Variants in FARP1 observed in about 807,000 individuals in gnomAD.
FARP1 encodes the protein FERM, ARHGEF and pleckstrin domain-containing protein 1.
In FARP1, 52 loss-of-function variants were observed where a neutral mutation model predicts 128.8. The ratio of observed to expected loss-of-function variants is 0.40; its 90% confidence interval spans 0.32 to 0.51. The LOEUF (loss-of-function observed/expected upper bound fraction) is 0.51, where lower values mean the gene tolerates loss of function less well. FARP1 is among the 20% of genes least tolerant of loss of function. FARP1 has a pLI of 0.45. For missense variants in FARP1, 1,333 were observed against 1,367.9 expected (o/e 0.97, Z 0.40); for synonymous variants, 580 against 551.8 (o/e 1.05, Z -0.72).
At chr13:98,271,937 T>G (rs1383340584) in intron 2 of FARP1, among the ~76,000 whole-genome samples, 1 of 152,170 alleles carries the variant, frequency 6.6e-6, no homozygotes, top group African/African-American at 2.4e-5. Flanking sequence ...TTATAATCCT[T>G]TGGGTTTATA....
At chr13:98,273,751 TAGA>T (rs1350431247) in intron 2 of FARP1, among the ~76,000 whole-genome samples, 1 of 152,114 alleles carries the variant, frequency 6.6e-6, no homozygotes, top group Admixed American at 6.5e-5. Context: ...TGTAGAGAAA[TAGA>T]AGGTCAGAGC....
chr13:98,331,470 T>A lies in FARP1; in HGVS notation c.172-12292T>A, dbSNP rs145308619. Among the ~76,000 whole-genome samples, 80 of 152,292 alleles carry A rather than the reference T, an allele frequency of 5.3e-4. No homozygotes were observed. The East Asian group carries it at 9.8e-3, about 19-fold the overall frequency. On this transcript the variant is annotated intron_variant, in intron 2 of 26. Coordinates refer to ENST00000319562, the MANE Select transcript of FARP1 (RefSeq NM_005766.4). ...TCCCCAGCTGCTCATCAGAAGATAG[T>A]GAAATATGAGGGGAAGTTTAAGTTT... is the stretch of plus-strand genomic sequence containing the variant.
chr13:98,310,045 C>T (rs1161486716), intron 2 of FARP1, among the ~76,000 whole-genome samples: 1 of 150,772 alleles, frequency 6.6e-6, no homozygotes, highest in African/African-American at 2.4e-5. Context: ...TCTATTCCTC[C>T]AATCTGCTCT....
At chr13:98,395,994 G>A (rs1890527326) in intron 13 of FARP1, 3 of 399,078 alleles carry the variant, frequency 7.5e-6, no homozygotes, top group Non-Finnish European at 1.3e-5. Context: ...TCCCGGACCA[G>A]GGTCCTCCTT....
intron 2 of FARP1, among the ~76,000 whole-genome samples, chr13:98,336,386 C>A (rs1296927976): frequency 3.9e-5 from 6 of 152,128 alleles, no homozygotes; most frequent in African/African-American, 7.2e-5. Context: ...TCTCCTGCTT[C>A]ATCCTCCCAA....
chr13:98,336,491 C>T (rs191991846), intron 2 of FARP1, among the ~76,000 whole-genome samples: 48 of 152,240 alleles, frequency 3.2e-4, no homozygotes, highest in African/African-American at 9.6e-4. Context: ...AGACTGGTCT[C>T]GAACTCCTGA....
intron 2 of FARP1, among the ~76,000 whole-genome samples, chr13:98,269,030 C>T (rs185022786): frequency 6.6e-6 from 1 of 152,266 alleles, no homozygotes; most frequent in East Asian, 1.9e-4. Context: ...TCATGCCCAG[C>T]CTCTCCCTTC....
At chr13:98,220,385 G>A (rs187371865) in intron 2 of FARP1, among the ~76,000 whole-genome samples, 8 of 152,282 alleles carry the variant, frequency 5.3e-5, no homozygotes, top group Non-Finnish European at 1.2e-4. Context: ...TGCTTTTGCC[G>A]CCGCTTAAGC....
Position 98,197,257 on chromosome 13 carries a change from G to A in FARP1, c.-23-15963G>A, listed in dbSNP as rs544332012. Among the ~76,000 whole-genome samples, 4 of 152,162 alleles carry A rather than the reference G, an allele frequency of 2.6e-5. No individual in the cohort carries two copies. In the South Asian group the frequency reaches 6.2e-4, roughly 24 times the overall value. ...CGAGGTGGGTGGATCACCTGAGGTCGGGAGTTCGAGACCAGCCTGACCAAC... is the reference window on the plus strand; with the variant it reads ...CGAGGTGGGTGGATCACCTGAGGTCAGGAGTTCGAGACCAGCCTGACCAAC... On this transcript the variant is annotated intron_variant, in intron 1 of 26. Transcript: ENST00000319562.
At chr13:98,323,694 G>C (rs559548679) in intron 2 of FARP1, among the ~76,000 whole-genome samples, 29 of 151,524 alleles carry the variant, frequency 1.9e-4, no homozygotes, top group African/African-American at 6.9e-4. Flanking sequence ...ACTTTTAAAG[G>C]AGAGCAGAAA....
chr13:98,332,072 A>G (rs1887532738), intron 2 of FARP1, among the ~76,000 whole-genome samples: 1 of 152,052 alleles, frequency 6.6e-6, no homozygotes, highest in Non-Finnish European at 1.5e-5. Flanking sequence ...TAATTGTGGT[A>G]AAATATACGT....
intron 1 of FARP1, among the ~76,000 whole-genome samples, chr13:98,154,357 G>A (rs897796822): frequency 6.6e-6 from 1 of 152,300 alleles, no homozygotes; most frequent in African/African-American, 2.4e-5. Flanking sequence ...CAGGTGTGTA[G>A]TGGTATCTCA....
At chr13:98,158,401 T>C (rs1876643181) in intron 1 of FARP1, among the ~76,000 whole-genome samples, 2 of 152,328 alleles carry the variant, frequency 1.3e-5, no homozygotes, top group African/African-American at 2.4e-5. Context: ...CATTTTCTTA[T>C]TCCAGTGTGT....
At chr13:98,379,095 T>TATATA (rs1200969546) in intron 6 of FARP1, among the ~76,000 whole-genome samples, 1 of 73,462 alleles carries the variant, frequency 1.4e-5, no homozygotes, top group South Asian at 3.7e-4. Flanking sequence ...CTATATATAA[T>TATATA]ATATATATAA....
chr13:98,282,883 G>C (rs1316093306), intron 2 of FARP1, among the ~76,000 whole-genome samples: 2 of 151,962 alleles, frequency 1.3e-5, no homozygotes, highest in Non-Finnish European at 2.9e-5. Flanking sequence ...CCTGGCAACA[G>C]GGCGAGACTC....
chr13:98,348,068 A>G (rs1888253455), intron 3 of FARP1, among the ~76,000 whole-genome samples: 1 of 152,234 alleles, frequency 6.6e-6, no homozygotes. Flanking sequence ...TTAAGGGGAA[A>G]ATAAGGGTTT....
intron 1 of FARP1, among the ~76,000 whole-genome samples, chr13:98,186,570 G>A (rs1041101079): frequency 3.3e-5 from 5 of 152,074 alleles, no homozygotes; most frequent in Admixed American, 1.3e-4. Flanking sequence ...TAATCTCTTC[G>A]TGCTTCATGT....
intron 1 of FARP1, among the ~76,000 whole-genome samples, chr13:98,160,850 T>G (rs1876831267): frequency 6.6e-6 from 1 of 151,940 alleles, no homozygotes; most frequent in Non-Finnish European, 1.5e-5. Flanking sequence ...TTTTGTTTTT[T>G]GTATTTTTAG....
intron 2 of FARP1, chr13:98,234,384 A>G (rs1882304843): frequency 6.6e-6 from 1 of 152,246 alleles, no homozygotes; most frequent in African/African-American, 2.4e-5. Context: ...AGGTTCATTA[A>G]TAATATTCTG....
Sources: gnomAD v4.1 joint callset for allele counts (sites outside exome capture counted in the v4.1 genomes callset) on GRCh38, gnomAD v4.1.1 for gene constraint, MANE v1.5 for transcripts, NCBI Gene and HGNC (gene_info 2026-07-23, HGNC 2026-07-21) for gene names.